SFMBT2: variants seen among roughly 807,000 people sequenced by gnomAD.
SFMBT2 encodes the protein Scm like with four mbt domains 2, also known as scm-like with four MBT domains protein 2.
Under a neutral mutation model 110.1 loss-of-function variants are expected in SFMBT2, and 38 were observed. That is an observed-to-expected ratio of 0.35 (90% CI 0.27 to 0.45). The LOEUF (loss-of-function observed/expected upper bound fraction) is 0.45. Among genes scored for constraint, SFMBT2 ranks in the 20% least tolerant of loss-of-function variants. The pLI is 1.00. For missense variants in SFMBT2, 1,011 were observed against 1,094.9 expected (o/e 0.92, Z 1.08); for synonymous variants, 425 against 425.4 (o/e 1.00, Z 0.01).
chr10:7,368,301 T>C (rs967695937), intron 3 of SFMBT2: 29 of 982,936 alleles, frequency 3.0e-5, no homozygotes, highest in East Asian at 2.3e-4. Flanking sequence ...CAGGACCACA[T>C]GATAGGGGCT....
In SFMBT2 at chr10:7,284,019, G is replaced by T; in HGVS notation, c.657C>A (p.Arg219=). The change falls in exon 6 of 21, where the codon CGC becomes CGA. Residue 219 remains arginine (R), a synonymous_variant. Coordinates refer to ENST00000397167, the MANE Select transcript of SFMBT2 (RefSeq NM_001387889.1). ...ATTCAGTGTCCTCCAATCCCACATA[G>T]CGAAGGCGTAATCTTCCTCCAACAT... ...IENVGGRLRL[R]YVGLEDTESY... is the part of the protein sequence containing the mutation. 6.2e-7 allele frequency: 1 copy of T among 1,613,976 alleles called. No homozygotes were observed. The highest frequency in any genetic ancestry group is 8.5e-7 in the Non-Finnish European group (1 of 1,179,892).
At chr10:7,386,843 T>G (rs1269008987) in intron 1 of SFMBT2, among the ~76,000 whole-genome samples, 1 of 152,172 alleles carries the variant, frequency 6.6e-6, no homozygotes, top group Non-Finnish European at 1.5e-5. Flanking sequence ...TCCTCAGAAC[T>G]CTAGGATGTA....
At chr10:7,398,933 G>T (rs1226954791) in intron 1 of SFMBT2, among the ~76,000 whole-genome samples, 1 of 152,142 alleles carries the variant, frequency 6.6e-6, no homozygotes, top group Non-Finnish European at 1.5e-5. Context: ...AGACATGCAT[G>T]GATAATGCCT....
chr10:7,226,473 C>T (rs111608712), intron 10 of SFMBT2, among the ~76,000 whole-genome samples: 2,583 of 152,298 alleles, frequency 0.017, 67 homozygotes, highest in African/African-American at 0.059. Flanking sequence ...GTGGCAGCAA[C>T]GAAACCGCAA....
At chr10:7,187,635 C>G (rs1172127784) in intron 16 of SFMBT2, among the ~76,000 whole-genome samples, 1 of 152,188 alleles carries the variant, frequency 6.6e-6, no homozygotes, top group Middle Eastern at 3.2e-3. Context: ...AAGTGGATTG[C>G]TGGCAATGAA....
At chr10:7,169,447 G>T (rs188701521) in intron 20 of SFMBT2, among the ~76,000 whole-genome samples, 15 of 152,278 alleles carry the variant, frequency 9.9e-5, no homozygotes, top group Admixed American at 4.6e-4. Context: ...GAACTTGGGA[G>T]AAAAGCTGGG....
chr10:7,338,097 C>T (rs183968819), intron 4 of SFMBT2, among the ~76,000 whole-genome samples: 5 of 152,316 alleles, frequency 3.3e-5, no homozygotes, highest in South Asian at 2.1e-4. Context: ...TTGTCTTCCA[C>T]GGTACAGAAA....
Position 7,284,023 on chromosome 10 carries a change from A to T in SFMBT2, c.653T>A (p.Leu218His). ...VIENVGGRLR[L>H]RYVGLEDTES... ...AGTGTCCTCCAATCCCACATAGCGA[A>T]GGCGTAATCTTCCTCCAACATTTTC... is the stretch of plus-strand genomic sequence containing the variant. Residue 218 changes from leucine to histidine, a missense_variant, in exon 6 of 21, where the codon CTT becomes CAT. Coordinates refer to ENST00000397167, the MANE Select transcript of SFMBT2 (RefSeq NM_001387889.1). 1 of 1,614,124 alleles carries T rather than the reference A, an allele frequency of 6.2e-7. No individual in the cohort carries two copies. The highest frequency in any genetic ancestry group is 8.5e-7 in the Non-Finnish European group (1 of 1,179,956).
At chr10:7,278,261 G>A (rs1841843093) in intron 6 of SFMBT2, among the ~76,000 whole-genome samples, 1 of 152,094 alleles carries the variant, frequency 6.6e-6, no homozygotes, top group South Asian at 2.1e-4. Context: ...GAAAGAATGG[G>A]GCCTCTGATG....
At chr10:7,351,263 T>C (rs1844305684) in intron 4 of SFMBT2, among the ~76,000 whole-genome samples, 1 of 152,222 alleles carries the variant, frequency 6.6e-6, no homozygotes, top group Admixed American at 6.5e-5. Context: ...TCCTTATTCA[T>C]TTAACAACTG....
intron 4 of SFMBT2, among the ~76,000 whole-genome samples, chr10:7,356,604 C>G (rs1844523291): frequency 6.6e-6 from 1 of 152,082 alleles, no homozygotes; most frequent in African/African-American, 2.4e-5. Flanking sequence ...ATAGAGACAG[C>G]ATTTCACCAT....
chr10:7,321,315 C>T (rs2131934381), intron 4 of SFMBT2, among the ~76,000 whole-genome samples: 1 of 151,898 alleles, frequency 6.6e-6, no homozygotes, highest in Non-Finnish European at 1.5e-5. Flanking sequence ...CATTCTCCTG[C>T]CTCAGCCTCC....
chr10:7,165,054 C>T (rs978801499), intron 20 of SFMBT2, among the ~76,000 whole-genome samples: 3 of 152,108 alleles, frequency 2.0e-5, no homozygotes, highest in Non-Finnish European at 4.4e-5. Flanking sequence ...GTCATTTGAC[C>T]GGACTGCTGA....
chr10:7,295,188 G>A (rs1816546562), intron 4 of SFMBT2: 1 of 152,174 alleles, frequency 6.6e-6, no homozygotes, highest in East Asian at 1.9e-4. Flanking sequence ...GTAGAAGTCT[G>A]CATCTGCCTT....
intron 1 of SFMBT2, among the ~76,000 whole-genome samples, chr10:7,393,099 C>A (rs1845827852): frequency 6.9e-6 from 1 of 145,950 alleles, no homozygotes; most frequent in South Asian, 2.2e-4. Context: ...GTGGTGTGAT[C>A]TCAGCTCACT....
Position 7,283,447 on chromosome 10 carries a change from T to C in SFMBT2, c.772+457A>G, listed in dbSNP as rs1354683136. ...GTCAGATAAATAGATGAATGCTGGATGGATAGGTGGATGAATGGATGGATG... is the reference window on the plus strand; with the variant it reads ...GTCAGATAAATAGATGAATGCTGGACGGATAGGTGGATGAATGGATGGATG... On this transcript the variant is annotated intron_variant, in intron 6 of 20. Coordinates refer to ENST00000397167, the MANE Select transcript of SFMBT2 (RefSeq NM_001387889.1). 2.0e-5 allele frequency among the ~76,000 whole-genome samples: 3 copies of C among 151,490 alleles called. No individual in the cohort carries two copies. The East Asian group carries it at 5.8e-4, about 29-fold the overall frequency.
chr10:7,258,576 T>C (rs146865438), intron 7 of SFMBT2, among the ~76,000 whole-genome samples: 5 of 152,364 alleles, frequency 3.3e-5, no homozygotes, highest in East Asian at 3.9e-4. Flanking sequence ...TAGGCTTCAG[T>C]GAAGTCAATG....
At chr10:7,377,587 A>G (rs1845275406) in intron 2 of SFMBT2, among the ~76,000 whole-genome samples, 1 of 152,212 alleles carries the variant, frequency 6.6e-6, no homozygotes, top group African/African-American at 2.4e-5. Context: ...AGACAGTGAC[A>G]GATCATCAGG....
At chr10:7,279,669 T>C (rs954305878) in intron 6 of SFMBT2, among the ~76,000 whole-genome samples, 5 of 152,168 alleles carry the variant, frequency 3.3e-5, no homozygotes, top group African/African-American at 1.2e-4. Context: ...TCGTGAGCAA[T>C]TAAAACATGT....
Sources: allele counts gnomAD v4.1 joint callset (sites outside exome capture counted in the v4.1 genomes callset), GRCh38; gene constraint gnomAD v4.1.1; transcripts MANE v1.5; gene names NCBI Gene and HGNC (gene_info 2026-07-23, HGNC 2026-07-21).